Variants in PHLDB2 observed in about 807,000 individuals in gnomAD.
PHLDB2 encodes the protein pleckstrin homology like domain family B member 2, also known as pleckstrin homology-like domain family B member 2.
A neutral mutation model predicts 123.6 loss-of-function variants in PHLDB2; 71 were observed. The ratio of observed to expected loss-of-function variants is 0.57; its 90% CI spans 0.47 to 0.70. PHLDB2 has a LOEUF of 0.70. Ranked by LOEUF, PHLDB2 falls within the 30% of genes least tolerant of loss-of-function variation. PHLDB2 has a pLI of 0.00. For missense variants in PHLDB2, 1,446 were observed against 1,519.5 expected, an observed-to-expected ratio of 0.95 and a Z score of 0.80; for synonymous variants, 547 against 541.6, an observed-to-expected ratio of 1.01 and a Z score of -0.14.
At chr3:111,967,630 G>A in intron 14 of PHLDB2, 48 bp from the exon 15 acceptor site, 5 of 1,470,698 alleles carry the variant, frequency 3.4e-6, no homozygotes, top group Non-Finnish European at 4.5e-6. Context: ...AACCATTCAA[G>A]TATAACCAGT....
intron 1 of PHLDB2, among the ~76,000 whole-genome samples, chr3:111,744,952 A>G (rs1457265610): frequency 6.6e-6 from 1 of 152,234 alleles, no homozygotes; most frequent in Non-Finnish European, 1.5e-5. Context: ...TAGCACTGTC[A>G]GTTTCTGTGC....
chr3:111,886,507 A>G (rs73228550), intron 2 of PHLDB2, among the ~76,000 whole-genome samples: 17,260 of 151,984 alleles, frequency 0.11, 1,126 homozygotes, highest in Non-Finnish European at 0.15. Context: ...GCCCAAGACA[A>G]TTCTTCTCCA....
chr3:111,884,293 T>C lies in PHLDB2; in HGVS notation c.216T>C (p.Pro72=). ...LSQPVPAKRS[P]SPLGTSVRSS... The stretch of plus-strand genomic sequence containing the variant: ...AACCTGTGCCTGCAAAGAGAAGCCC[T>C]TCTCCTTTGGGAACCAGTGTCAGAA... Residue 72 remains proline (P), a synonymous_variant, in exon 2 of 18, where the codon CCT becomes CCC. Coordinates refer to ENST00000431670, the MANE Select transcript of PHLDB2 (RefSeq NM_001134438.2). 2 of 1,614,206 alleles carry C rather than the reference T, an allele frequency of 1.2e-6. No homozygotes were observed. Among genetic ancestry groups the C allele is most frequent in the Non-Finnish European group, 1.7e-6 (2 of 1,180,028 alleles).
At chr3:111,788,103 C>T (rs368013541) in intron 1 of PHLDB2, among the ~76,000 whole-genome samples, 1 of 152,180 alleles carries the variant, frequency 6.6e-6, no homozygotes, top group East Asian at 1.9e-4. Context: ...AAGAAGGTTA[C>T]TAGTTTCCAG....
chr3:111,973,472 T>G (rs1276740836), intron 16 of PHLDB2, among the ~76,000 whole-genome samples: 3 of 152,204 alleles, frequency 2.0e-5, no homozygotes, highest in Non-Finnish European at 4.4e-5. Flanking sequence ...TTGGGTTATC[T>G]TTTGACTGCT....
intron 1 of PHLDB2, among the ~76,000 whole-genome samples, chr3:111,754,047 C>G (rs1259849707): frequency 6.6e-6 from 1 of 152,092 alleles, no homozygotes; most frequent in Non-Finnish European, 1.5e-5. Flanking sequence ...GTTTTGGTTA[C>G]TGTAGCCTTG....
At chr3:111,732,671 G>A (rs761379891) in exon 1 of PHLDB2, 1 of 1,535,794 alleles carries the variant, frequency 6.5e-7, no homozygotes. Context: ...AAGAAGCTGA[G>A]GGAAGAGTCG....
At chr3:111,869,328 A>G (rs2065231710) in intron 1 of PHLDB2, among the ~76,000 whole-genome samples, 15 of 151,984 alleles carry the variant, frequency 9.9e-5, no homozygotes, top group Admixed American at 9.8e-4. Flanking sequence ...ATTATCCCCC[A>G]TCACTCTCCA....
upstream of PHLDB2, among the ~76,000 whole-genome samples, chr3:111,855,996 C>T (rs2064487862): frequency 6.6e-6 from 1 of 152,080 alleles, no homozygotes; most frequent in African/African-American, 2.4e-5. Context: ...CTGCTATGGC[C>T]TTATGAAAGC....
chr3:111,781,120 A>C (rs2060458361), intron 1 of PHLDB2, among the ~76,000 whole-genome samples: 1 of 152,072 alleles, frequency 6.6e-6, no homozygotes, highest in South Asian at 2.1e-4. Context: ...TTTATATTTC[A>C]AGTTGACCTC....
At chr3:111,864,980 A>G (rs559439597) in intron 1 of PHLDB2, among the ~76,000 whole-genome samples, 11 of 152,324 alleles carry the variant, frequency 7.2e-5, no homozygotes, top group African/African-American at 2.4e-4. Flanking sequence ...TGAAATAGCA[A>G]AAAAGTTAAA....
chr3:111,772,435 C>A (rs1184151164), intron 1 of PHLDB2, among the ~76,000 whole-genome samples: 1 of 151,786 alleles, frequency 6.6e-6, no homozygotes, highest in Admixed American at 6.6e-5. Flanking sequence ...GAAGGCTAAA[C>A]CTATGAAGGG....
intron 1 of PHLDB2, among the ~76,000 whole-genome samples, chr3:111,758,402 C>T (rs1446725685): frequency 1.3e-5 from 2 of 152,216 alleles, no homozygotes; most frequent in Non-Finnish European, 2.9e-5. Flanking sequence ...ATAGGACCCT[C>T]CGAGCCATGT....
At chr3:111,736,383 A>C (rs545027503) in intron 1 of PHLDB2, among the ~76,000 whole-genome samples, 24 of 152,302 alleles carry the variant, frequency 1.6e-4, no homozygotes, top group Non-Finnish European at 2.1e-4. Flanking sequence ...AAAACTGTCC[A>C]GTATGTCAAT....
chr3:111,831,022 AAAGAAAGAAAGGAAGG>A (rs772936065), intron 1 of PHLDB2, among the ~76,000 whole-genome samples: 6,124 of 111,378 alleles, frequency 0.055, 1,085 homozygotes, highest in Middle Eastern at 0.071. Flanking sequence ...AGAAAGAAAG[AAAGAAAGAAAGGAAGG>A]AAGGAAGAAA....
At chr3:111,955,407 TGTGG>T in intron 12 of PHLDB2, among the ~76,000 whole-genome samples, 1 of 152,226 alleles carries the variant, frequency 6.6e-6, no homozygotes, top group East Asian at 1.9e-4. Flanking sequence ...ACTGTTAAGT[TGTGG>T]GTCAAGTCTA....
intron 1 of PHLDB2, among the ~76,000 whole-genome samples, chr3:111,746,565 C>A (rs1286905648): frequency 1.3e-5 from 2 of 152,080 alleles, no homozygotes; most frequent in African/African-American, 2.4e-5. Context: ...GGGTTTAAGA[C>A]CAACCTGGGC....
intron 1 of PHLDB2, among the ~76,000 whole-genome samples, chr3:111,819,001 G>A (rs761879222): frequency 1.2e-4 from 19 of 152,114 alleles, no homozygotes; most frequent in African/African-American, 4.6e-4. Flanking sequence ...TCACAGTTTT[G>A]GAGCCTAGAA....
At chr3:111,824,910 T>A (rs2062581612) in intron 1 of PHLDB2, among the ~76,000 whole-genome samples, 1 of 152,198 alleles carries the variant, frequency 6.6e-6, no homozygotes, top group Non-Finnish European at 1.5e-5. Context: ...CTGAGTGTTC[T>A]TGAAAAATGT....
Sources: gnomAD v4.1 joint callset for allele counts (sites outside exome capture counted in the v4.1 genomes callset) on GRCh38, gnomAD v4.1.1 for gene constraint, MANE v1.5 for transcripts, NCBI Gene and HGNC (gene_info 2026-07-23, HGNC 2026-07-21) for gene names.